Variants in C4orf50 observed in about 807,000 individuals in gnomAD.
C4orf50 encodes chromosome 4 open reading frame 50, also known as uncharacterized protein C4orf50.
In C4orf50, 80 loss-of-function variants were observed where a neutral mutation model predicts 77.2. The observed-to-expected ratio is 1.04, with a 90% CI of 0.87 to 1.25. The LOEUF (loss-of-function observed/expected upper bound fraction) is 1.25. Among genes scored for constraint, C4orf50 ranks in the 50% most tolerant of loss-of-function variants. The probability of loss-of-function intolerance (pLI) is 0.00; values close to 1 mark genes in which losing one functional copy is unlikely to be tolerated. For synonymous variants in C4orf50, 532 were observed against 465.3 expected (o/e 1.14, Z -1.84); for missense variants, 1,257 against 1,152.9 (o/e 1.09, Z -1.31).
intron 25 of C4orf50, among the ~76,000 whole-genome samples, chr4:5,998,380 T>A (rs6811952): frequency 0.42 from 63,578 of 151,902 alleles, 14,005 homozygotes; most frequent in African/African-American, 0.56. Context: ...GCTTTTTTTT[T>A]AAAAGCTCTT....
At chr4:6,004,238 ATGATGGTGATGATGG>A (rs1722087698) in intron 25 of C4orf50, among the ~76,000 whole-genome samples, 2 of 24,676 alleles carry the variant, frequency 8.1e-5, no homozygotes, top group African/African-American at 3.0e-4. Context: ...GATGGTGATG[ATGATGGTGATGATGG>A]TGATGGTGAT....
chr4:5,910,097 T>C (rs1020640730), intron 7 of C4orf50, among the ~76,000 whole-genome samples: 3 of 147,514 alleles, frequency 2.0e-5, no homozygotes, highest in Non-Finnish European at 4.6e-5. Flanking sequence ...CTTTGGGTAG[T>C]ATGATAATTT....
At chr4:5,907,600 A>C (rs1205207506) in intron 7 of C4orf50, among the ~76,000 whole-genome samples, 1 of 152,222 alleles carries the variant, frequency 6.6e-6, no homozygotes, top group African/African-American at 2.4e-5. Flanking sequence ...AGATTTAGTA[A>C]ATTGAAAGGC....
intron 24 of C4orf50, among the ~76,000 whole-genome samples, chr4:6,010,493 A>C (rs1006726599): frequency 4.6e-5 from 7 of 152,204 alleles, no homozygotes; most frequent in South Asian, 4.1e-4. Context: ...CATGCTCATT[A>C]TACACACACC....
intron 7 of C4orf50, among the ~76,000 whole-genome samples, chr4:5,914,215 T>G (rs1445182348): frequency 6.8e-6 from 1 of 146,296 alleles, no homozygotes; most frequent in Non-Finnish European, 1.5e-5. Flanking sequence ...GTTTTTTTTT[T>G]TTTTTTTTTT....
At chr4:5,945,339 T>A (rs1393047780) in intron 7 of C4orf50, among the ~76,000 whole-genome samples, 1 of 152,252 alleles carries the variant, frequency 6.6e-6, no homozygotes, top group African/African-American at 2.4e-5. Context: ...ACCCCACAGC[T>A]GCTAGAACCC....
rs559404706 is a variant in C4orf50 at position 5,995,269 on chromosome 4, G to A, written c.964-793C>T. Among the ~76,000 whole-genome samples the A allele has an allele frequency of 6.6e-5, 10 of 152,244 alleles. No individual in the cohort carries two copies. The South Asian group carries it at 1.9e-3, about 28-fold the overall frequency. On this transcript the variant is annotated intron_variant, in intron 25 of 33. Transcript: ENST00000531445. ...TTCTTTCCATGTCCCACCCAGGGAG[G>A]AGGGTGTCTGCCCAGGGGGTTTGGA... is the stretch of plus-strand genomic sequence containing the variant.
chr4:5,980,339 C>T lies in C4orf50; in HGVS notation c.3700-1G>A, dbSNP rs1220383271. On this transcript the variant is annotated splice_acceptor_variant, in intron 28 of 33. Transcript: ENST00000531445. LOFTEE classifies it high-confidence loss of function. ...TAACCTCGGCCTCTGAGTCCCGGAG[C>T]TGCGGAAATCACAGATTTGAATGAA... 1.2e-6 allele frequency: 2 copies of T among 1,608,694 alleles called. No individual in the cohort carries two copies. The highest frequency in any genetic ancestry group is 2.2e-5 in the East Asian group (1 of 44,496).
At chr4:6,001,926 G>C (rs116627796) in intron 25 of C4orf50, among the ~76,000 whole-genome samples, 1,619 of 152,346 alleles carry the variant, frequency 0.011, 42 homozygotes, top group African/African-American at 0.037. Flanking sequence ...CCATGCATGT[G>C]AGGGCCCTGG....
At position 6,007,514 on chromosome 4, in the gene C4orf50, A is replaced by C. The variant is rs977950797; in HGVS notation, c.963+482T>G. Among the ~76,000 whole-genome samples, 2 of 152,150 alleles carry C rather than the reference A, an allele frequency of 1.3e-5. No individual in the cohort carries two copies. The highest frequency in any genetic ancestry group is 2.9e-5 in the Non-Finnish European group (2 of 68,036). On this transcript the variant is annotated intron_variant, in intron 25 of 33. Transcript: ENST00000531445. This position sits in a 1 kb window ranked among gnomAD's most constrained non-coding sequence, Gnocchi z 4.1. ...CTTGATCTTGGACCTCCAGCCTCCA[A>C]AAGTGTGAAAAATAAGTTTCTGTTA...
chr4:5,909,636 C>T (rs1391366577), intron 7 of C4orf50, among the ~76,000 whole-genome samples: 8 of 152,184 alleles, frequency 5.3e-5, no homozygotes, highest in African/African-American at 1.4e-4. Context: ...GCAGTTTCAT[C>T]GTTTTTGTCT....
At chr4:5,926,023 C>T (rs1344990966) in intron 7 of C4orf50, among the ~76,000 whole-genome samples, 1 of 152,192 alleles carries the variant, frequency 6.6e-6, no homozygotes, top group Non-Finnish European at 1.5e-5. Context: ...GAAGGCGGAG[C>T]CACGCACAGA....
chr4:5,990,329 TC>T lies in C4orf50; in HGVS notation c.1716del (p.Asn574ThrfsTer8). The T allele has an allele frequency of 1.2e-6, 1 of 866,642 alleles. No homozygotes were observed. The highest frequency in any genetic ancestry group is 1.5e-6 in the Non-Finnish European group (1 of 654,116). 53.7% of individuals were successfully genotyped at this position (866,642 alleles called of 1,614,324 possible). A position where few individuals can be genotyped will look rare whatever the true frequency, so the allele number is the denominator to read the frequency against. ...AGCTGGTACTTGTCACCAAGGTTTT[TC>T]CCCTTCCTGCCCAAAGTCCCCCTTG... is the stretch of plus-strand genomic sequence containing the variant. On this transcript the variant is annotated frameshift_variant, in exon 28 of 34. Coordinates refer to ENST00000531445, the Ensembl canonical transcript of C4orf50. LOFTEE classifies it high-confidence loss of function.
rs796252684 is a variant in C4orf50 at position 5,922,207 on chromosome 4, G to A, written c.*2475-24019C>T. The stretch of plus-strand genomic sequence containing the variant: ...CAGGGAAAGCTAATCCCAGAGTGGT[G>A]GGCCGGGGCCCACTGCGATGCACGT... On this transcript the variant is annotated intron_variant, in intron 7 of 7. Transcript: ENST00000324058. 7.3e-4 allele frequency among the ~76,000 whole-genome samples: 111 copies of A among 152,332 alleles called. 1 individual carries two copies. The highest frequency in any genetic ancestry group is 2.5e-3 in the African/African-American group (106 of 41,580).
chr4:5,929,664 C>T (rs985071260), intron 7 of C4orf50, among the ~76,000 whole-genome samples: 1 of 152,212 alleles, frequency 6.6e-6, no homozygotes, highest in Non-Finnish European at 1.5e-5. Flanking sequence ...GAAGGATGCC[C>T]TGAGTAAATG....
chr4:5,989,229 C>G (rs956566572), exon 28 of C4orf50: 3 of 1,535,938 alleles, frequency 2.0e-6, no homozygotes, highest in Admixed American at 3.9e-5. Context: ...CATGTAAAAT[C>G]TGGCTTCTCT....
intron 28 of C4orf50, among the ~76,000 whole-genome samples, chr4:5,984,910 T>C (rs1486328845): frequency 6.7e-6 from 1 of 149,060 alleles, no homozygotes; most frequent in Non-Finnish European, 1.5e-5. Context: ...TAAAACCATA[T>C]CTAGGCACAT....
In C4orf50 at chr4:6,007,257, C is replaced by A. The variant is rs921219580; in HGVS notation, c.963+739G>T. Among the ~76,000 whole-genome samples the A allele has an allele frequency of 1.3e-5, 2 of 152,100 alleles. No homozygotes were observed. Among genetic ancestry groups the A allele is most frequent in the Admixed American group, 6.5e-5 (1 of 15,274 alleles). ...GGGTCTGAATGGCTGTGTTCCCCAC[C>A]ACCACCAAATTTATGTGGAAATCCT... On this transcript the variant is annotated intron_variant, in intron 25 of 33. Transcript: ENST00000531445. This position sits in a 1 kb window ranked among gnomAD's most constrained non-coding sequence, Gnocchi z 4.1.
At chr4:5,982,587 TACA>T (rs1284919244) in intron 28 of C4orf50, among the ~76,000 whole-genome samples, 1 of 152,112 alleles carries the variant, frequency 6.6e-6, no homozygotes, top group Non-Finnish European at 1.5e-5. Context: ...GTGGCAACTG[TACA>T]ACAACCACAT....
Sources: gnomAD v4.1 joint callset for allele counts (sites outside exome capture counted in the v4.1 genomes callset) on GRCh38, gnomAD v4.1.1 for gene constraint, Gnocchi (gnomAD v3.1) non-coding constraint, MANE v1.5 for transcripts, NCBI Gene and HGNC (gene_info 2026-07-23, HGNC 2026-07-21) for gene names.